The following PCNX2 variants were observed in gnomAD, a reference collection of about 807,000 sequenced individuals.
PCNX2 encodes the protein pecanex 2.
Under a neutral mutation model 223.8 loss-of-function variants are expected in PCNX2, and 168 were observed. The observed-to-expected ratio is 0.75, with a 90% CI of 0.66 to 0.85. The LOEUF (loss-of-function observed/expected upper bound fraction) is 0.85, where lower values mean the gene tolerates loss of function less well. Among genes scored for constraint, PCNX2 ranks in the 40% least tolerant of loss-of-function variants. PCNX2 has a pLI of 0.00. For missense variants in PCNX2, 2,507 were observed against 2,675.5 expected, an observed-to-expected ratio of 0.94 and a Z score of 1.39; for synonymous variants, 1,006 against 1,052.6, an observed-to-expected ratio of 0.96 and a Z score of 0.86.
At chr1:233,080,334 G>T (rs1399599926) in intron 23 of PCNX2, among the ~76,000 whole-genome samples, 1 of 151,496 alleles carries the variant, frequency 6.6e-6, no homozygotes, top group East Asian at 1.9e-4. Flanking sequence ...CCCAAACACG[G>T]TCCTGTAGTA....
chr1:233,081,467 G>A (rs1342028394), intron 23 of PCNX2, among the ~76,000 whole-genome samples: 3 of 152,122 alleles, frequency 2.0e-5, no homozygotes, highest in Admixed American at 6.5e-5. Context: ...GAGGATCATC[G>A]AGGCTTCATT....
chr1:233,239,405 A>G (rs1051788674), intron 8 of PCNX2, among the ~76,000 whole-genome samples: 1 of 152,200 alleles, frequency 6.6e-6, no homozygotes, highest in Non-Finnish European at 1.5e-5. Context: ...CATATTTCTT[A>G]GTACATTTCA....
intron 1 of PCNX2, among the ~76,000 whole-genome samples, chr1:233,265,400 T>C (rs1485917569): frequency 2.0e-5 from 3 of 152,222 alleles, no homozygotes; most frequent in Non-Finnish European, 2.9e-5. Context: ...GCAGTGAGGC[T>C]GAGGCCATAT....
At chr1:233,071,874 A>G (rs1437780964) in intron 23 of PCNX2, among the ~76,000 whole-genome samples, 1 of 152,062 alleles carries the variant, frequency 6.6e-6, no homozygotes, top group Non-Finnish European at 1.5e-5. Context: ...TGTGGTTTTG[A>G]TTTGCATTTC....
At position 232,986,369 on chromosome 1, in the gene PCNX2, T is replaced by A. The variant is rs769003958; in HGVS notation, c.5963A>T (p.His1988Leu). 3 of 1,602,730 alleles carry A rather than the reference T, an allele frequency of 1.9e-6. No individual in the cohort carries two copies. Among genetic ancestry groups the A allele is most frequent in the Admixed American group, 3.4e-5 (2 of 58,728 alleles). ...QRLSGSRLSL[H>L]ASATSLHSQP... ...AGAGTGCAGGGACGTGGCCGAGGCG[T>A]GCAAGGAGAGCCGGCTGCCCGAGAG... is the stretch of plus-strand genomic sequence containing the variant. The change falls in exon 33 of 34, where the codon CAC becomes CTC. Residue 1988 changes from histidine (H) to leucine (L), a missense_variant. Coordinates refer to ENST00000258229, the MANE Select transcript of PCNX2 (RefSeq NM_014801.4).
chr1:233,322,654 C>T, the PCNX2 span, among the ~76,000 whole-genome samples: 4 of 152,122 alleles, frequency 2.6e-5, no homozygotes, highest in Admixed American at 6.5e-5. Flanking sequence ...TCCTCTGGAA[C>T]GTGATGAGAT....
intron 15 of PCNX2, among the ~76,000 whole-genome samples, chr1:233,194,927 G>A (rs544699119): frequency 6.6e-6 from 1 of 150,820 alleles, no homozygotes; most frequent in East Asian, 2.0e-4. Context: ...TGAGGCAGGA[G>A]AATGGCGTGA....
intron 21 of PCNX2, among the ~76,000 whole-genome samples, chr1:233,133,888 CAAAG>C (rs1262420649): frequency 6.6e-6 from 1 of 151,890 alleles, no homozygotes; most frequent in Non-Finnish European, 1.5e-5. Flanking sequence ...AAATAAAAAA[CAAAG>C]AAATTCACGT....
chr1:233,278,609 T>C (rs1415508220), intron 1 of PCNX2, among the ~76,000 whole-genome samples: 4 of 152,068 alleles, frequency 2.6e-5, no homozygotes, highest in African/African-American at 7.2e-5. Context: ...CTAGAAAGGT[T>C]TTCTGATGAG....
At position 233,259,360 on chromosome 1, in the gene PCNX2, G is replaced by A. The variant is rs377355865; in HGVS notation, c.518-16C>T. 1 of 1,587,476 alleles carries A rather than the reference G, an allele frequency of 6.3e-7. No homozygotes were observed. The highest frequency in any genetic ancestry group is 8.6e-7 in the Non-Finnish European group (1 of 1,165,104). On this transcript the variant is annotated splice_polypyrimidine_tract_variant and intron_variant, in intron 4 of 33. Transcript: ENST00000258229. ...AGAATGACACCTGAAATGACACATG[G>A]CAACTTTATTAGCATCAGAAATGAA...
rs189975364 is a variant in PCNX2 at position 233,078,155 on chromosome 1, G to T, written c.4076+11906C>A. ...TGGCTATCAGAATCCTACAGAATGA[G>T]TCTCACAGAGCCTCAAATGCAAAAG... On this transcript the variant is annotated intron_variant, in intron 23 of 33. Transcript: ENST00000258229. Among the ~76,000 whole-genome samples the T allele has an allele frequency of 3.7e-3, 557 of 152,322 alleles. 6 individuals are homozygous for T. In the East Asian group the frequency reaches 0.052, roughly 14 times the overall value.
At chr1:233,177,575 T>A (rs972296524) in intron 17 of PCNX2, among the ~76,000 whole-genome samples, 2 of 152,208 alleles carry the variant, frequency 1.3e-5, no homozygotes, top group Non-Finnish European at 2.9e-5. Flanking sequence ...CTGAGTAAGT[T>A]AAATTTACTT....
At chr1:233,103,893 C>T (rs1674628021) in intron 21 of PCNX2, among the ~76,000 whole-genome samples, 1 of 152,092 alleles carries the variant, frequency 6.6e-6, no homozygotes, top group African/African-American at 2.4e-5. Flanking sequence ...AATTAACATT[C>T]CCACCAATAA....
At chr1:233,150,071 C>T (rs1677704358) in intron 19 of PCNX2, among the ~76,000 whole-genome samples, 1 of 152,062 alleles carries the variant, frequency 6.6e-6, no homozygotes, top group Non-Finnish European at 1.5e-5. Context: ...ACCATCTCTC[C>T]AGAGGGCTGC....
Position 233,163,317 on chromosome 1 carries a change from G to A in PCNX2, c.3274-1954C>T, listed in dbSNP as rs770262014. On this transcript the variant is annotated intron_variant, in intron 17 of 33. Coordinates refer to ENST00000258229, the MANE Select transcript of PCNX2 (RefSeq NM_014801.4). ...CCTGGCCAAACATGATGAAACCTCT[G>A]TCTCTACTAAAATACAAAAATTAGC... Among the ~76,000 whole-genome samples the A allele has an allele frequency of 2.0e-5, 3 of 151,596 alleles. No individual in the cohort carries two copies. The East Asian group carries it at 5.9e-4, about 30-fold the overall frequency.
intron 22 of PCNX2, 66 bp from the exon 23 acceptor site, chr1:233,090,256 A>G: frequency 1.3e-6 from 2 of 1,551,136 alleles, no homozygotes; most frequent in Non-Finnish European, 1.7e-6. Context: ...CATTATTTCA[A>G]ATTTTGATGA....
intron 4 of PCNX2, 121 bp from the exon 5 acceptor site, chr1:233,259,465 T>C (rs1572166352): frequency 7.4e-7 from 1 of 1,350,462 alleles, no homozygotes; most frequent in Non-Finnish European, 9.8e-7. Context: ...TTAGATACTT[T>C]TTTAATTTTA....
chr1:233,045,986 T>C (rs1006254906), intron 25 of PCNX2, among the ~76,000 whole-genome samples: 2 of 152,252 alleles, frequency 1.3e-5, no homozygotes, highest in Non-Finnish European at 2.9e-5. Context: ...ATCCTTCTTC[T>C]ACTTAAGTTA....
chr1:233,001,626 T>G lies in PCNX2; in HGVS notation c.5008A>C (p.Thr1670Pro), dbSNP rs1258534136. 1 of 1,592,826 alleles carries G rather than the reference T, an allele frequency of 6.3e-7. No individual in the cohort carries two copies. The highest frequency in any genetic ancestry group is 1.2e-5 in the South Asian group (1 of 86,778). The change falls in exon 29 of 34, where the codon ACA becomes CCA. Residue 1670 changes from threonine (T) to proline (P), a missense_variant. Coordinates refer to ENST00000258229, the MANE Select transcript of PCNX2 (RefSeq NM_014801.4). This position sits in a 1 kb window ranked among gnomAD's most constrained non-coding sequence, Gnocchi z 4.2. ...GCAAATACCCACTCGTCACGTGCTG[T>G]TATTCTGAAGTCACCTTTGAAGAGG... ...HVLFKGDFRI[T>P]ARDEWVFADM... is the part of the protein sequence containing the mutation.
Sources: gnomAD v4.1 joint callset for allele counts (sites outside exome capture counted in the v4.1 genomes callset) on GRCh38, gnomAD v4.1.1 for gene constraint, Gnocchi (gnomAD v3.1) non-coding constraint, MANE v1.5 for transcripts, NCBI Gene and HGNC (gene_info 2026-07-23, HGNC 2026-07-21) for gene names.